The following PTPRT variants were observed in gnomAD, a reference collection of about 807,000 sequenced individuals.
PTPRT encodes receptor-type tyrosine-protein phosphatase T.
Under a neutral mutation model 176.8 loss-of-function variants are expected in PTPRT, and 56 were observed. That is an observed-to-expected ratio of 0.32 (90% CI 0.26 to 0.40). PTPRT has a LOEUF of 0.40. Among genes scored for constraint, PTPRT ranks in the 10% least tolerant of loss-of-function variants. The pLI is 1.00. For missense variants in PTPRT, 1,540 were observed against 1,908.2 expected, an observed-to-expected ratio of 0.81 and a Z score of 3.60; for synonymous variants, 783 against 739.0, an observed-to-expected ratio of 1.06 and a Z score of -0.96.
Position 42,714,957 on chromosome 20 carries a change from C to T in PTPRT, c.860-36798G>A, listed in dbSNP as rs373082564. ...GGTTGATGCAGGGCTGAGAGCTGAACAGAAATGTGAGAGGTTGACCAGTGC... is the reference window on the plus strand; with the variant it reads ...GGTTGATGCAGGGCTGAGAGCTGAATAGAAATGTGAGAGGTTGACCAGTGC... On this transcript the variant is annotated intron_variant, in intron 6 of 30. Transcript: ENST00000373187. Among the ~76,000 whole-genome samples the T allele has an allele frequency of 2.6e-5, 4 of 152,156 alleles. No homozygotes were observed. In the East Asian group the frequency reaches 5.8e-4, roughly 22 times the overall value.
At chr20:42,566,076 A>G (rs903448811) in intron 7 of PTPRT, among the ~76,000 whole-genome samples, 2 of 151,856 alleles carry the variant, frequency 1.3e-5, no homozygotes, top group African/African-American at 4.8e-5. Flanking sequence ...GCTTTTTTAC[A>G]TTGTGCACAT....
chr20:43,066,635 C>A (rs1041120270), intron 1 of PTPRT, among the ~76,000 whole-genome samples: 4 of 152,198 alleles, frequency 2.6e-5, no homozygotes, highest in African/African-American at 7.2e-5. Flanking sequence ...GTTCTCCACA[C>A]CTACCTCACC....
chr20:42,983,892 G>A (rs1370255339), intron 1 of PTPRT, among the ~76,000 whole-genome samples: 1 of 152,106 alleles, frequency 6.6e-6, no homozygotes, highest in African/African-American at 2.4e-5. Flanking sequence ...TCTCCCATGG[G>A]TCCCAATTTG....
chr20:42,369,549 C>T (rs2058559876), intron 9 of PTPRT, among the ~76,000 whole-genome samples: 1 of 152,094 alleles, frequency 6.6e-6, no homozygotes, highest in Admixed American at 6.5e-5. Flanking sequence ...TATATTAAGC[C>T]ACAAAATAAA....
rs114755894 is a variant in PTPRT, at chr20:42,702,276, G to A, written c.860-24117C>T. 3.2e-3 allele frequency among the ~76,000 whole-genome samples: 487 copies of A among 152,256 alleles called. 2 individuals carry two copies. Among genetic ancestry groups the A allele is most frequent in the African/African-American group, 0.011 (460 of 41,536 alleles). On this transcript the variant is annotated intron_variant, in intron 6 of 30. Coordinates refer to ENST00000373187, the MANE Select transcript of PTPRT (RefSeq NM_007050.6). ...AGCTATTCTTTGAGCTGTTTGGGGT[G>A]TCTCCATGTTGTTGGGCCCAGAAGG... is the stretch of plus-strand genomic sequence containing the variant.
chr20:43,126,180 C>G (rs1001446842), intron 1 of PTPRT, among the ~76,000 whole-genome samples: 1 of 151,836 alleles, frequency 6.6e-6, no homozygotes, highest in Non-Finnish European at 1.5e-5. Flanking sequence ...GGTGAAACCC[C>G]GTCTCTATAA....
chr20:42,084,989 G>A (rs1600468555), intron 28 of PTPRT, 144 bp from the exon 29 acceptor site: 1 of 595,564 alleles, frequency 1.7e-6, no homozygotes, highest in Middle Eastern at 3.4e-4. Flanking sequence ...GAGTCCCCAT[G>A]ACTACTTCTA....
chr20:42,262,197 G>C (rs2056761188), intron 13 of PTPRT, among the ~76,000 whole-genome samples: 1 of 152,176 alleles, frequency 6.6e-6, no homozygotes, highest in African/African-American at 2.4e-5. Flanking sequence ...CTGAATCACT[G>C]TGTTCTGTAT....
At chr20:42,095,440 C>T (rs1985103185) in intron 27 of PTPRT, among the ~76,000 whole-genome samples, 1 of 152,150 alleles carries the variant, frequency 6.6e-6, no homozygotes, top group Non-Finnish European at 1.5e-5. Context: ...GCATGCCTAC[C>T]CTGCAGCCTG....
chr20:42,725,299 C>T (rs2076363274), intron 6 of PTPRT, among the ~76,000 whole-genome samples: 1 of 151,712 alleles, frequency 6.6e-6, no homozygotes, highest in Non-Finnish European at 1.5e-5. Flanking sequence ...GAAAAAAAAA[C>T]CTTCCTCAAT....
intron 7 of PTPRT, among the ~76,000 whole-genome samples, chr20:42,592,639 T>C (rs1395592570): frequency 2.0e-5 from 3 of 152,222 alleles, no homozygotes; most frequent in Non-Finnish European, 4.4e-5. Context: ...AGGTATGTCA[T>C]GCTTAGAAAA....
chr20:42,937,320 C>T (rs1441892463), intron 1 of PTPRT, among the ~76,000 whole-genome samples: 1 of 152,158 alleles, frequency 6.6e-6, no homozygotes, highest in Non-Finnish European at 1.5e-5. Flanking sequence ...TCTCAAGCTC[C>T]TTGGCAGTAG....
intron 6 of PTPRT, among the ~76,000 whole-genome samples, chr20:42,726,056 C>CA (rs1569114136): frequency 6.2e-5 from 8 of 128,428 alleles, no homozygotes; most frequent in African/African-American, 2.4e-4. Flanking sequence ...ATGTGGGCAT[C>CA]TTTATTATTA....
At chr20:42,490,926 T>A (rs2071551494) in intron 7 of PTPRT, among the ~76,000 whole-genome samples, 1 of 152,198 alleles carries the variant, frequency 6.6e-6, no homozygotes, top group African/African-American at 2.4e-5. Flanking sequence ...TTATCACCTA[T>A]TCACTCATTT....
At chr20:43,108,961 T>G (rs1330656271) in intron 1 of PTPRT, among the ~76,000 whole-genome samples, 2 of 152,200 alleles carry the variant, frequency 1.3e-5, no homozygotes, top group Non-Finnish European at 1.5e-5. Flanking sequence ...AGCACTAATC[T>G]AGAATGAAGT....
intron 7 of PTPRT, among the ~76,000 whole-genome samples, chr20:42,583,216 T>TA (rs1278772480): frequency 2.6e-5 from 4 of 152,214 alleles, no homozygotes; most frequent in Admixed American, 1.3e-4. Context: ...AGAGACTCTG[T>TA]AGTCCTAAAT....
At chr20:42,437,697 T>C (rs571934014) in intron 9 of PTPRT, among the ~76,000 whole-genome samples, 166 of 152,192 alleles carry the variant, frequency 1.1e-3, no homozygotes, top group African/African-American at 3.9e-3. Flanking sequence ...AAATGCCCAT[T>C]GACTTAAGGT....
chr20:42,131,324 C>G (rs182668657), intron 18 of PTPRT, among the ~76,000 whole-genome samples: 28 of 152,260 alleles, frequency 1.8e-4, no homozygotes, highest in Admixed American at 7.2e-4. Context: ...CTGTAGGCCT[C>G]AAAAAAGTGA....
At chr20:43,011,407 T>C (rs1242581380) in intron 1 of PTPRT, among the ~76,000 whole-genome samples, 3 of 152,196 alleles carry the variant, frequency 2.0e-5, no homozygotes, top group Non-Finnish European at 4.4e-5. Flanking sequence ...CAAAAGAAGA[T>C]GATCCCCCAA....
Sources: gnomAD v4.1 joint callset for allele counts (sites outside exome capture counted in the v4.1 genomes callset) on GRCh38, gnomAD v4.1.1 for gene constraint, MANE v1.5 for transcripts, NCBI Gene and HGNC (gene_info 2026-07-23, HGNC 2026-07-21) for gene names.